Variants in PCDH7 observed in about 807,000 individuals in gnomAD.
PCDH7 encodes protocadherin 7.
In PCDH7, 17 loss-of-function variants were observed where a neutral mutation model predicts 58.9. The ratio of observed to expected loss-of-function variants is 0.29; its 90% CI spans 0.20 to 0.43. PCDH7 has a LOEUF of 0.43. PCDH7 is among the 20% of genes least tolerant of loss of function. The pLI, the probability that PCDH7 is intolerant of heterozygous loss-of-function variation, is 1.00. For missense variants in PCDH7, 1,274 were observed against 1,441.0 expected (o/e 0.88, Z 1.88); for synonymous variants, 664 against 616.4 (o/e 1.08, Z -1.14).
chr4:31,110,459 T>C (rs1716144033), intron 3 of PCDH7, among the ~76,000 whole-genome samples: 1 of 152,326 alleles, frequency 6.6e-6, no homozygotes, highest in East Asian at 1.9e-4. Context: ...CTAGGGGTTG[T>C]GAAGTTCCAT....
At chr4:30,761,499 A>C (rs1483778720) in intron 1 of PCDH7, among the ~76,000 whole-genome samples, 1 of 152,126 alleles carries the variant, frequency 6.6e-6, no homozygotes, top group African/African-American at 2.4e-5. Context: ...AATCAATGTA[A>C]AATTATTAAT....
In PCDH7 at chr4:30,857,586, G is replaced by A. The variant is rs1733637529; in HGVS notation, c.71-62567G>A. On this transcript the variant is annotated intron_variant, in intron 1 of 3. Coordinates refer to the PCDH7 transcript ENST00000509759. ...TCTTAGTTCTTGGAATGTTAGAATT[G>A]GAGCCCAGACTCCTCATTTTAGGGA... is the stretch of plus-strand genomic sequence containing the variant. Among the ~76,000 whole-genome samples the A allele has an allele frequency of 3.3e-5, 5 of 152,034 alleles. 1 individual carries two copies. The South Asian group carries it at 1.0e-3, about 32-fold the overall frequency.
chr4:30,809,053 A>G (rs1726632462), intron 1 of PCDH7, among the ~76,000 whole-genome samples: 1 of 152,262 alleles, frequency 6.6e-6, no homozygotes, highest in Admixed American at 6.5e-5. Flanking sequence ...GTCACTCTTG[A>G]AAAGATACAA....
intron 1 of PCDH7, among the ~76,000 whole-genome samples, chr4:30,804,354 T>C (rs935517249): frequency 6.6e-6 from 1 of 151,890 alleles, no homozygotes; most frequent in Non-Finnish European, 1.5e-5. Flanking sequence ...GCCTGGTCAA[T>C]ATGGTGAAAC....
At chr4:31,125,663 G>A (rs773564541) in intron 3 of PCDH7, among the ~76,000 whole-genome samples, 6 of 152,212 alleles carry the variant, frequency 3.9e-5, no homozygotes, top group Non-Finnish European at 8.8e-5. Flanking sequence ...GGAAGTGGCA[G>A]TGAGCCATAC....
At chr4:31,015,497 A>C (rs529646781) in intron 3 of PCDH7, among the ~76,000 whole-genome samples, 14 of 152,300 alleles carry the variant, frequency 9.2e-5, no homozygotes, top group Admixed American at 9.2e-4. Context: ...ATGAAAATAC[A>C]TATATAAAAA....
chr4:30,921,731 A>AT (rs1238691952), intron 2 of PCDH7, among the ~76,000 whole-genome samples: 2 of 150,976 alleles, frequency 1.3e-5, no homozygotes, highest in Admixed American at 6.6e-5. Flanking sequence ...TAAGAGTTAC[A>AT]TTTTTTTTAG....
At chr4:30,725,887 C>A (rs1277930098) in intron 1 of PCDH7, among the ~76,000 whole-genome samples, 1 of 152,020 alleles carries the variant, frequency 6.6e-6, no homozygotes, top group East Asian at 1.9e-4. Context: ...TAAATATTTT[C>A]TGTATATAGT....
chr4:31,000,133 C>A (rs1752244288), intron 3 of PCDH7, among the ~76,000 whole-genome samples: 1 of 151,920 alleles, frequency 6.6e-6, no homozygotes, highest in Non-Finnish European at 1.5e-5. Context: ...GGACTTGCTG[C>A]AAAAATTTCA....
chr4:31,098,383 A>G (rs1194935008), intron 3 of PCDH7, among the ~76,000 whole-genome samples: 1 of 152,222 alleles, frequency 6.6e-6, no homozygotes, highest in Non-Finnish European at 1.5e-5. Flanking sequence ...CACCTATTTT[A>G]TATCAATTAG....
intron 3 of PCDH7, among the ~76,000 whole-genome samples, chr4:31,139,175 C>A (rs1485598312): frequency 6.6e-6 from 1 of 152,040 alleles, no homozygotes; most frequent in Admixed American, 6.6e-5. Flanking sequence ...CCAGTCTTCT[C>A]AAGGTTTGAT....
intron 3 of PCDH7, among the ~76,000 whole-genome samples, chr4:30,967,780 T>C (rs1357820764): frequency 6.6e-6 from 1 of 152,186 alleles, no homozygotes; most frequent in Non-Finnish European, 1.5e-5. Flanking sequence ...ATCCATAGTC[T>C]CTGTGTCTGA....
intron 3 of PCDH7, among the ~76,000 whole-genome samples, chr4:31,123,733 A>T (rs931919611): frequency 1.3e-5 from 2 of 152,194 alleles, no homozygotes; most frequent in Admixed American, 1.3e-4. Flanking sequence ...GCGTCCAGGA[A>T]GAACCAGGTC....
intron 3 of PCDH7, among the ~76,000 whole-genome samples, chr4:31,127,137 G>A (rs550524691): frequency 6.6e-6 from 1 of 152,250 alleles, no homozygotes; most frequent in African/African-American, 2.4e-5. Context: ...TGGTGGAGAC[G>A]AATAGTTGAT....
intron 3 of PCDH7, among the ~76,000 whole-genome samples, chr4:31,073,475 C>G (rs527436615): frequency 6.6e-6 from 1 of 152,210 alleles, no homozygotes; most frequent in East Asian, 1.9e-4. Context: ...TAATATAAAC[C>G]TCTTAATTTC....
At chr4:30,760,631 C>T (rs570961575) in intron 1 of PCDH7, among the ~76,000 whole-genome samples, 2 of 152,244 alleles carry the variant, frequency 1.3e-5, no homozygotes, top group African/African-American at 2.4e-5. Flanking sequence ...AGGAATACAG[C>T]TAACTAGGGA....
At chr4:31,050,976 G>T (rs538643478) in intron 3 of PCDH7, among the ~76,000 whole-genome samples, 21 of 152,244 alleles carry the variant, frequency 1.4e-4, no homozygotes, top group African/African-American at 5.1e-4. Context: ...TTCAAAAAGG[G>T]TGTTACTTGT....
chr4:30,779,437 G>T (rs1722502761), intron 1 of PCDH7, among the ~76,000 whole-genome samples: 1 of 152,178 alleles, frequency 6.6e-6, no homozygotes, highest in South Asian at 2.1e-4. Flanking sequence ...CAATGTCTTA[G>T]TGTTTACAAA....
chr4:30,977,567 G>C (rs2109105360), intron 3 of PCDH7, among the ~76,000 whole-genome samples: 1 of 152,182 alleles, frequency 6.6e-6, no homozygotes, highest in Admixed American at 6.5e-5. Context: ...AATATGACTT[G>C]TATTTCAGCC....
Sources: allele counts gnomAD v4.1 joint callset (sites outside exome capture counted in the v4.1 genomes callset), GRCh38; gene constraint gnomAD v4.1.1; transcripts MANE v1.5; gene names NCBI Gene and HGNC (gene_info 2026-07-23, HGNC 2026-07-21).